CCDC138: variants seen among roughly 807,000 people sequenced by gnomAD.
CCDC138 encodes coiled-coil domain containing 138.
A neutral mutation model predicts 82.3 loss-of-function variants in CCDC138; 66 were observed. The ratio of observed to expected loss-of-function variants is 0.80; its 90% CI spans 0.66 to 0.98. The LOEUF is 0.98. CCDC138 is among the 50% of genes least tolerant of loss of function. The pLI, the probability that CCDC138 is intolerant of heterozygous loss-of-function variation, is 0.00. For synonymous variants in CCDC138, 297 were observed against 265.4 expected (o/e 1.12, Z -1.16); for missense variants, 816 against 758.9 (o/e 1.08, Z -0.88).
intron 5 of CCDC138, among the ~76,000 whole-genome samples, chr2:108,795,469 T>C (rs1680720202): frequency 6.6e-6 from 1 of 152,138 alleles, no homozygotes; most frequent in Non-Finnish European, 1.5e-5. Flanking sequence ...AAGAGTATAA[T>C]TTATATATTA....
intron 11 of CCDC138, among the ~76,000 whole-genome samples, chr2:108,843,863 TGTGTGTGTGTGTG>T (rs1558716884): frequency 3.6e-5 from 5 of 140,680 alleles, no homozygotes; most frequent in East Asian, 4.2e-4. Flanking sequence ...TGTGTGTGTG[TGTGTGTGTGTGTG>T]TGTTTCTTTC....
In CCDC138 at chr2:108,812,941, A is replaced by G. The variant is rs1477303410; in HGVS notation, c.1041+14A>G. 2.5e-6 allele frequency: 4 copies of G among 1,609,802 alleles called. No individual in the cohort carries two copies. The highest frequency in any genetic ancestry group is 3.4e-6 in the Non-Finnish European group (4 of 1,177,152). Reference sequence around the variant, plus strand: ...AAAACTTACAAGGTAAGTTTGAATTATGATTTGATATGATTGAAAATTTCT... The same window carrying G: ...AAAACTTACAAGGTAAGTTTGAATTGTGATTTGATATGATTGAAAATTTCT... On this transcript the variant is annotated intron_variant, in intron 9 of 14. Transcript: ENST00000295124.
At chr2:108,845,913 A>G (rs368499542) in intron 11 of CCDC138, among the ~76,000 whole-genome samples, 2 of 152,158 alleles carry the variant, frequency 1.3e-5, no homozygotes, top group Non-Finnish European at 2.9e-5. Context: ...ATTAGATCAT[A>G]TATTATTTTA....
chr2:108,862,195 T>TA lies in CCDC138; in HGVS notation c.1693+5235dup, dbSNP rs562421956. On this transcript the variant is annotated intron_variant, in intron 13 of 14. Transcript: ENST00000295124. ...GGTTGTGGGAATGACCCATGCCACT[T>TA]AAAAAAAAAACAAAACAGGAAAAAG... 5.1e-3 allele frequency among the ~76,000 whole-genome samples: 744 copies of TA among 147,106 alleles called. 7 individuals are homozygous for TA. The highest frequency in any genetic ancestry group is 0.023 in the South Asian group (106 of 4,592).
chr2:108,798,089 G>A (rs1681203387), intron 5 of CCDC138, among the ~76,000 whole-genome samples: 1 of 151,986 alleles, frequency 6.6e-6, no homozygotes, highest in Non-Finnish European at 1.5e-5. Flanking sequence ...AGGGAGTGGA[G>A]GGTATAGGTA....
At position 108,814,630 on chromosome 2, in the gene CCDC138, G is replaced by T. The variant is rs571376333; in HGVS notation, c.1042-1311G>T. ...TTTGCTTTTATATTTCTCTGTCTTT[G>T]AATTTTTTTGTTTTTTTATTTTTTA... On this transcript the variant is annotated intron_variant, in intron 9 of 14. Coordinates refer to ENST00000295124, the MANE Select transcript of CCDC138 (RefSeq NM_144978.3). 7.3e-5 allele frequency among the ~76,000 whole-genome samples: 11 copies of T among 150,204 alleles called. No individual in the cohort carries two copies. In the East Asian group the frequency reaches 1.9e-3, roughly 27 times the overall value.
At chr2:108,847,536 T>C (rs916931973) in intron 12 of CCDC138, among the ~76,000 whole-genome samples, 6 of 152,196 alleles carry the variant, frequency 3.9e-5, no homozygotes, top group African/African-American at 1.4e-4. Flanking sequence ...TATATAATAG[T>C]GAATAAGGAA....
chr2:108,840,490 A>G (rs911930577), intron 11 of CCDC138, among the ~76,000 whole-genome samples: 3 of 152,126 alleles, frequency 2.0e-5, no homozygotes, highest in African/African-American at 7.2e-5. Flanking sequence ...TAAATTATGA[A>G]TTTAAGTTCT....
intron 10 of CCDC138, among the ~76,000 whole-genome samples, chr2:108,817,385 C>G (rs1327749618): frequency 6.6e-6 from 1 of 152,020 alleles, no homozygotes; most frequent in Non-Finnish European, 1.5e-5. Flanking sequence ...CTCCACCTCC[C>G]GGGTTCAAGT....
intron 4 of CCDC138, among the ~76,000 whole-genome samples, chr2:108,792,892 G>A (rs1680140268): frequency 1.3e-5 from 2 of 151,370 alleles, no homozygotes; most frequent in South Asian, 4.2e-4. Flanking sequence ...GTGAAACCCT[G>A]TCTCTACTAA....
chr2:108,823,142 T>C (rs1466142010), intron 10 of CCDC138, among the ~76,000 whole-genome samples: 1 of 152,080 alleles, frequency 6.6e-6, no homozygotes, highest in African/African-American at 2.4e-5. Flanking sequence ...GTATCACTAA[T>C]TACAAAAAAA....
chr2:108,799,165 A>G (rs1358101333), intron 6 of CCDC138, among the ~76,000 whole-genome samples: 1 of 152,174 alleles, frequency 6.6e-6, no homozygotes, highest in African/African-American at 2.4e-5. Context: ...CCATCTTTGA[A>G]GAATTCAGGC....
chr2:108,873,965 C>T (rs765226260), intron 14 of CCDC138, among the ~76,000 whole-genome samples: 9 of 152,050 alleles, frequency 5.9e-5, no homozygotes, highest in South Asian at 2.1e-4. Context: ...TAAATACTAA[C>T]GCTGATCTAA....
intron 10 of CCDC138, among the ~76,000 whole-genome samples, chr2:108,831,555 T>A (rs1687625660): frequency 1.3e-5 from 2 of 152,222 alleles, no homozygotes; most frequent in South Asian, 4.1e-4. Context: ...GTGTTTGCTG[T>A]GAAGAAACTG....
At chr2:108,869,448 C>G (rs770089356) in intron 13 of CCDC138, among the ~76,000 whole-genome samples, 14 of 152,166 alleles carry the variant, frequency 9.2e-5, no homozygotes, top group Non-Finnish European at 1.3e-4. Context: ...TGGTTTCAGA[C>G]TTGCCTCGTT....
At chr2:108,815,466 T>G (rs1275546626) in intron 9 of CCDC138, among the ~76,000 whole-genome samples, 3 of 135,054 alleles carry the variant, frequency 2.2e-5, no homozygotes, top group East Asian at 4.2e-4. Context: ...TTGGTGTTTT[T>G]TTTTTTTTTT....
chr2:108,836,775 C>T (rs1184525831), intron 10 of CCDC138, among the ~76,000 whole-genome samples: 1 of 151,818 alleles, frequency 6.6e-6, no homozygotes, highest in Non-Finnish European at 1.5e-5. Context: ...AAGTTTTTTA[C>T]CTCCTTGCTT....
intron 12 of CCDC138, among the ~76,000 whole-genome samples, chr2:108,853,876 ATAATATAT>A (rs1413475936): frequency 8.0e-6 from 1 of 125,550 alleles, no homozygotes; most frequent in African/African-American, 3.1e-5. Flanking sequence ...TATATACTAT[ATAATATAT>A]TATATAGTAT....
At chr2:108,813,811 G>A (rs1445604033) in intron 9 of CCDC138, among the ~76,000 whole-genome samples, 5 of 152,134 alleles carry the variant, frequency 3.3e-5, no homozygotes, top group Admixed American at 6.5e-5. Context: ...TCTGCCAGAA[G>A]TTTTGCAGAA....
Sources: allele counts gnomAD v4.1 joint callset (sites outside exome capture counted in the v4.1 genomes callset), GRCh38; gene constraint gnomAD v4.1.1; transcripts MANE v1.5; gene names NCBI Gene and HGNC (gene_info 2026-07-23, HGNC 2026-07-21).